The following DLG1 variants were observed in gnomAD, a reference collection of about 807,000 sequenced individuals.
The protein encoded by DLG1 is disks large homolog 1.
DLG1 carries 42 observed loss-of-function variants against 123.4 expected under a neutral mutation model. The observed-to-expected ratio is 0.34, with a 90% CI of 0.27 to 0.44. The LOEUF (loss-of-function observed/expected upper bound fraction) is 0.44, where lower values mean the gene tolerates loss of function less well. Ranked by LOEUF, DLG1 falls within the 20% of genes least tolerant of loss-of-function variation. The probability of loss-of-function intolerance (pLI) is 1.00; values close to 1 mark genes in which losing one functional copy is unlikely to be tolerated. For missense variants in DLG1, 942 were observed against 1,082.6 expected, an observed-to-expected ratio of 0.87 and a Z score of 1.82; for synonymous variants, 317 against 356.2, an observed-to-expected ratio of 0.89 and a Z score of 1.24.
intron 4 of DLG1, among the ~76,000 whole-genome samples, chr3:197,259,504 TCAA>T (rs1190037187): frequency 6.6e-6 from 1 of 152,186 alleles, no homozygotes; most frequent in Non-Finnish European, 1.5e-5. Flanking sequence ...TTTTAAAATC[TCAA>T]CAAGTTTGTC....
rs1388234906 is a variant in DLG1, at chr3:197,248,641, T to TC, written c.318+34037dup. 2.6e-5 allele frequency among the ~76,000 whole-genome samples: 4 copies of TC among 152,190 alleles called. 1 individual carries two copies. ...TAACGCCATTCCTGTTTCTGTGTCCTCCCCTTGTTATCTGGGGTAGGACCA... is the reference window on the plus strand; with the variant it reads ...TAACGCCATTCCTGTTTCTGTGTCCTCCCCCTTGTTATCTGGGGTAGGACCA... On this transcript the variant is annotated intron_variant, in intron 4 of 24. Transcript: ENST00000667157.
chr3:197,099,335 C>T (rs9872902), intron 14 of DLG1, among the ~76,000 whole-genome samples: 2,634 of 152,310 alleles, frequency 0.017, 80 homozygotes, highest in African/African-American at 0.06. Flanking sequence ...GAAGTGCTAA[C>T]CACTACACCT....
chr3:197,135,816 CT>C lies in DLG1; in HGVS notation c.1020+725del, dbSNP rs11456320. ...ATTTAGGCATATGTATATAATTAAA[CT>C]TTTTTTTTTTTTGAGATGGGCTTTC... On this transcript the variant is annotated intron_variant, in intron 10 of 24. Transcript: ENST00000667157. Among the ~76,000 whole-genome samples, 225 of 147,346 alleles carry C rather than the reference CT, an allele frequency of 1.5e-3. 1 individual carries two copies. Among genetic ancestry groups the C allele is most frequent in the African/African-American group, 3.2e-3 (130 of 40,224 alleles).
intron 5 of DLG1, among the ~76,000 whole-genome samples, chr3:197,158,097 CA>C (rs1452332242): frequency 6.6e-6 from 1 of 152,056 alleles, no homozygotes; most frequent in African/African-American, 2.4e-5. Flanking sequence ...ACGATAAAAC[CA>C]AACACCCTAA....
intron 4 of DLG1, among the ~76,000 whole-genome samples, chr3:197,249,861 T>C (rs1174246968): frequency 1.3e-5 from 2 of 152,140 alleles, no homozygotes; most frequent in South Asian, 4.1e-4. Context: ...TAAAATTCAA[T>C]ATACCTTTGT....
intron 4 of DLG1, among the ~76,000 whole-genome samples, chr3:197,206,196 C>G (rs1270373005): frequency 6.6e-6 from 1 of 152,078 alleles, no homozygotes; most frequent in Non-Finnish European, 1.5e-5. Context: ...ACAAAGAAAT[C>G]CATGACGTAA....
At chr3:197,177,780 T>C (rs143771905) in intron 5 of DLG1, among the ~76,000 whole-genome samples, 15 of 152,316 alleles carry the variant, frequency 9.8e-5, no homozygotes, top group African/African-American at 3.1e-4. Context: ...TTTGAGGAAA[T>C]TGAATTCTCT....
intron 14 of DLG1, among the ~76,000 whole-genome samples, chr3:197,092,423 A>T (rs1054418397): frequency 2.0e-5 from 3 of 152,226 alleles, no homozygotes; most frequent in Non-Finnish European, 4.4e-5. Context: ...CCATGATATG[A>T]TTACTGTAAA....
At position 197,080,267 on chromosome 3, in the gene DLG1, C is replaced by CTT. The variant is rs767056279; in HGVS notation, c.1905+782_1905+783dup. Among the ~76,000 whole-genome samples the CTT allele has an allele frequency of 4.6e-3, 238 of 51,902 alleles. 29 individuals are homozygous for CTT. The highest frequency in any genetic ancestry group is 0.016 in the African/African-American group (186 of 11,982). 34.0% of individuals were successfully genotyped at this position (51,902 alleles called of 152,430 possible). On this transcript the variant is annotated intron_variant, in intron 17 of 24. Coordinates refer to ENST00000667157, the MANE Select transcript of DLG1 (RefSeq NM_001366207.1). ...TATGATGAAAGAATTGATATATTTC[C>CTT]TTTTTTTTTTTTTTTTTTTTTTTTT...
In DLG1 at chr3:197,085,596, T is replaced by G. The variant is rs763252926; in HGVS notation, c.1822A>C (p.Ile608Leu). 1 of 1,613,942 alleles carries G rather than the reference T, an allele frequency of 6.2e-7. No individual in the cohort carries two copies. Among genetic ancestry groups the G allele is most frequent in the African/African-American group, 1.3e-5 (1 of 74,896 alleles). The change falls in exon 16 of 25, where the codon ATT (isoleucine) becomes CTT (leucine). Residue 608 changes from isoleucine to leucine, a missense_variant. Coordinates refer to ENST00000667157, the MANE Select transcript of DLG1 (RefSeq NM_001366207.1). Reference protein sequence around the residue: ...PDGESDEVGVIPSKRRVEKKE... With the variant: ...PDGESDEVGVLPSKRRVEKKE... ...CAGGCATACCTGCGTTTACTGGGAA[T>G]CACTCCGACCTCATCGCTCTCACCA...
intron 4 of DLG1, among the ~76,000 whole-genome samples, chr3:197,220,755 T>C (rs149117408): frequency 6.6e-6 from 1 of 152,276 alleles, no homozygotes; most frequent in African/African-American, 2.4e-5. Context: ...ATACTGTTTT[T>C]CCTTTGGAGA....
rs1027917894 is a variant in DLG1, at chr3:197,266,452, T to TA, written c.318+16226dup. On this transcript the variant is annotated intron_variant, in intron 4 of 24. Coordinates refer to ENST00000667157, the MANE Select transcript of DLG1 (RefSeq NM_001366207.1). ...CAAGACCCCATCTCTGCCAAAAAAT[T>TA]AAAAAAAAAAATTGCCCAGCCTGGT... 8.8e-4 allele frequency among the ~76,000 whole-genome samples: 130 copies of TA among 147,012 alleles called. 1 individual carries two copies. Among genetic ancestry groups the TA allele is most frequent in the African/African-American group, 2.1e-3 (86 of 40,136 alleles).
At chr3:197,207,657 T>C (rs563889461) in intron 4 of DLG1, among the ~76,000 whole-genome samples, 2 of 152,268 alleles carry the variant, frequency 1.3e-5, no homozygotes, top group Admixed American at 1.3e-4. Flanking sequence ...ATGGTATTAC[T>C]GGTACAAGAA....
chr3:197,112,043 C>T (rs1396871078), intron 13 of DLG1, among the ~76,000 whole-genome samples: 1 of 152,146 alleles, frequency 6.6e-6, no homozygotes, highest in Admixed American at 6.5e-5. Flanking sequence ...GTATGTTTAA[C>T]TTCTTAAAAA....
At chr3:197,139,375 C>T (rs570775783) in intron 8 of DLG1, among the ~76,000 whole-genome samples, 26 of 152,198 alleles carry the variant, frequency 1.7e-4, no homozygotes, top group African/African-American at 6.0e-4. Flanking sequence ...ACCTGTCATA[C>T]CCAGTGAGAA....
At chr3:197,228,934 T>A (rs781210784) in intron 4 of DLG1, among the ~76,000 whole-genome samples, 1 of 152,114 alleles carries the variant, frequency 6.6e-6, no homozygotes, top group Non-Finnish European at 1.5e-5. Flanking sequence ...GCAAAAAAAT[T>A]GGTAGTACGT....
At chr3:197,071,403 CT>C (rs34629433) in intron 18 of DLG1, among the ~76,000 whole-genome samples, 68,706 of 131,462 alleles carry the variant, frequency 0.52, 15,208 homozygotes, top group East Asian at 0.73. Flanking sequence ...TCTTCACTGT[CT>C]TTTTTTTTTT....
intron 3 of DLG1, among the ~76,000 whole-genome samples, chr3:197,284,481 T>A (rs527967429): frequency 2.0e-5 from 3 of 152,148 alleles, no homozygotes; most frequent in Non-Finnish European, 4.4e-5. Context: ...AAATTTAACT[T>A]GAGTACAACT....
intron 4 of DLG1, among the ~76,000 whole-genome samples, chr3:197,277,513 G>T (rs1207171024): frequency 6.6e-6 from 1 of 152,014 alleles, no homozygotes; most frequent in Non-Finnish European, 1.5e-5. Flanking sequence ...GCTAATTTTT[G>T]TATTTTTAGT....
Sources: gnomAD v4.1 joint callset for allele counts (sites outside exome capture counted in the v4.1 genomes callset) on GRCh38, gnomAD v4.1.1 for gene constraint, MANE v1.5 for transcripts, NCBI Gene and HGNC (gene_info 2026-07-23, HGNC 2026-07-21) for gene names.